The following CFDP1 variants were observed in gnomAD, a reference collection of about 807,000 sequenced individuals.
The protein encoded by CFDP1 is chromatin remodeling protein CFDP1.
Under a neutral mutation model 40.1 loss-of-function variants are expected in CFDP1, and 31 were observed. The observed-to-expected ratio is 0.77, with a 90% CI of 0.58 to 1.04. The LOEUF (loss-of-function observed/expected upper bound fraction) is 1.04. CFDP1 is among the 50% of genes least tolerant of loss of function. CFDP1 has a pLI of 0.00. For missense variants in CFDP1, 423 were observed against 343.4 expected, an observed-to-expected ratio of 1.23 and a Z score of -1.83; for synonymous variants, 167 against 120.0, an observed-to-expected ratio of 1.39 and a Z score of -2.56.
rs570627228 is a variant in CFDP1, at chr16:75,378,823, T to C, written c.650+16267A>G. Among the ~76,000 whole-genome samples the C allele has an allele frequency of 9.2e-5, 14 of 152,256 alleles. No homozygotes were observed. The East Asian group carries it at 2.7e-3, about 29-fold the overall frequency. ...CTGGTCTTTCCAAGTGTCCACAGAA[T>C]ATACAAGACAGACCACATCCTGGCC... On this transcript the variant is annotated intron_variant, in intron 5 of 6. Coordinates refer to ENST00000283882, the MANE Select transcript of CFDP1 (RefSeq NM_006324.3).
At chr16:75,301,819 T>C (rs566004809) in intron 6 of CFDP1, 7 of 152,360 alleles carry the variant, frequency 4.6e-5, no homozygotes, top group Non-Finnish European at 1.0e-4. Flanking sequence ...TTGGAAAATG[T>C]CACCAGAGGA....
chr16:75,425,206 G>C (rs2079324179), intron 1 of CFDP1, among the ~76,000 whole-genome samples: 1 of 151,982 alleles, frequency 6.6e-6, no homozygotes, highest in African/African-American at 2.4e-5. Flanking sequence ...ACTTTTTCGA[G>C]AGATGAACAA....
intron 5 of CFDP1, among the ~76,000 whole-genome samples, chr16:75,363,750 C>A (rs996856893): frequency 2.0e-5 from 3 of 152,112 alleles, no homozygotes; most frequent in Non-Finnish European, 4.4e-5. Context: ...TGTCTTCTGG[C>A]AACTGTCCAG....
At chr16:75,385,833 T>C (rs1043348041) in intron 5 of CFDP1, among the ~76,000 whole-genome samples, 1 of 152,202 alleles carries the variant, frequency 6.6e-6, no homozygotes, top group Non-Finnish European at 1.5e-5. Context: ...CATAATCATC[T>C]TCTTAAATGA....
chr16:75,316,914 G>A (rs71394204), intron 5 of CFDP1, among the ~76,000 whole-genome samples: 68 of 151,936 alleles, frequency 4.5e-4, no homozygotes, highest in Non-Finnish European at 7.5e-4. Context: ...CCGGGAGGCA[G>A]AGGTTGTGGT....
intron 1 of CFDP1, among the ~76,000 whole-genome samples, chr16:75,419,947 T>C (rs765070661): frequency 6.6e-6 from 1 of 151,946 alleles, no homozygotes; most frequent in African/African-American, 2.4e-5. Context: ...TACTTTTCTG[T>C]ATGGATTTCC....
At chr16:75,376,722 A>C (rs2078801097) in intron 5 of CFDP1, among the ~76,000 whole-genome samples, 1 of 152,196 alleles carries the variant, frequency 6.6e-6, no homozygotes, top group Non-Finnish European at 1.5e-5. Flanking sequence ...ACCAAACCAA[A>C]TTGATGACTA....
chr16:75,408,052 T>G (rs1328121059), intron 4 of CFDP1, among the ~76,000 whole-genome samples: 1 of 149,718 alleles, frequency 6.7e-6, no homozygotes, highest in Non-Finnish European at 1.5e-5. Context: ...TGTAGTGAGC[T>G]GAGATTGTGT....
At chr16:75,314,659 A>C (rs545486588) in intron 5 of CFDP1, among the ~76,000 whole-genome samples, 2 of 152,186 alleles carry the variant, frequency 1.3e-5, no homozygotes, top group Non-Finnish European at 2.9e-5. Flanking sequence ...AAAAATGATA[A>C]ATGACTACTC....
At chr16:75,349,602 G>C (rs2078594191) in intron 5 of CFDP1, among the ~76,000 whole-genome samples, 2 of 136,740 alleles carry the variant, frequency 1.5e-5, no homozygotes, top group South Asian at 5.0e-4. Flanking sequence ...AGTGAGCTGT[G>C]TTTGTGCTGC....
At chr16:75,403,152 T>C (rs947739085) in intron 4 of CFDP1, among the ~76,000 whole-genome samples, 3 of 152,162 alleles carry the variant, frequency 2.0e-5, no homozygotes, top group Admixed American at 2.0e-4. Flanking sequence ...AAAAATGAAA[T>C]AGGAAATTTG....
intron 5 of CFDP1, among the ~76,000 whole-genome samples, chr16:75,356,030 G>T (rs1244902026): frequency 6.6e-6 from 1 of 152,108 alleles, no homozygotes; most frequent in Non-Finnish European, 1.5e-5. Context: ...ACCCATAAGG[G>T]TTGGAATAAA....
intron 5 of CFDP1, among the ~76,000 whole-genome samples, chr16:75,322,566 A>G (rs1232428180): frequency 6.6e-6 from 1 of 152,230 alleles, no homozygotes; most frequent in Non-Finnish European, 1.5e-5. Context: ...GTAAGCATCT[A>G]TGTCTAAACA....
chr16:75,343,418 T>G (rs1199490593), intron 5 of CFDP1, among the ~76,000 whole-genome samples: 1 of 152,182 alleles, frequency 6.6e-6, no homozygotes, highest in African/African-American at 2.4e-5. Context: ...CTAAATGTGT[T>G]GACTCCATTT....
intron 1 of CFDP1, among the ~76,000 whole-genome samples, chr16:75,428,836 G>T (rs546987409): frequency 1.3e-5 from 2 of 152,040 alleles, no homozygotes; most frequent in Non-Finnish European, 2.9e-5. Context: ...ATGGGAACAG[G>T]CCAGGCGTAG....
intron 6 of CFDP1, among the ~76,000 whole-genome samples, chr16:75,295,846 A>AC (rs1480167228): frequency 1.3e-5 from 2 of 152,238 alleles, no homozygotes; most frequent in Admixed American, 1.3e-4. Flanking sequence ...AAAAGGGAAG[A>AC]CAGGTAGGGA....
chr16:75,351,681 T>C (rs1412608532), intron 5 of CFDP1, among the ~76,000 whole-genome samples: 1 of 152,162 alleles, frequency 6.6e-6, no homozygotes, highest in African/African-American at 2.4e-5. Context: ...AATACTTATC[T>C]TTCCTATATG....
At chr16:75,311,885 T>G (rs1328968123) in intron 5 of CFDP1, among the ~76,000 whole-genome samples, 1 of 151,478 alleles carries the variant, frequency 6.6e-6, no homozygotes, top group Non-Finnish European at 1.5e-5. Context: ...GACTATAGGC[T>G]CATACAATTG....
At chr16:75,381,034 C>T (rs1178108316) in intron 5 of CFDP1, among the ~76,000 whole-genome samples, 2 of 152,186 alleles carry the variant, frequency 1.3e-5, no homozygotes, top group Non-Finnish European at 2.9e-5. Flanking sequence ...CAAATTACCC[C>T]AGCAGTGGCA....
Sources: allele counts gnomAD v4.1 joint callset (sites outside exome capture counted in the v4.1 genomes callset), GRCh38; gene constraint gnomAD v4.1.1; transcripts MANE v1.5; gene names NCBI Gene and HGNC (gene_info 2026-07-23, HGNC 2026-07-21).